SUN1: variants seen among roughly 807,000 people sequenced by gnomAD.
The protein encoded by SUN1 is SUN domain-containing protein 1.
SUN1 carries 61 observed loss-of-function variants against 103.2 expected under a neutral mutation model. That is an observed-to-expected ratio of 0.59 (90% CI 0.48 to 0.73). The LOEUF (loss-of-function observed/expected upper bound fraction) is 0.73. Among genes scored for constraint, SUN1 ranks in the 30% least tolerant of loss-of-function variants. The probability of loss-of-function intolerance (pLI) is 0.00; values close to 1 mark genes in which losing one functional copy is unlikely to be tolerated. For synonymous variants in SUN1, 490 were observed against 425.7 expected (o/e 1.15, Z -1.86); for missense variants, 1,052 against 1,034.6 (o/e 1.02, Z -0.23).
intron 1 of SUN1, among the ~76,000 whole-genome samples, chr7:833,783 C>G (rs564274088): frequency 1.2e-4 from 19 of 152,240 alleles, no homozygotes; most frequent in Non-Finnish European, 1.8e-4. Context: ...ACTCTGTTTT[C>G]TAAGAGTCCT....
intron 14 of SUN1, 117 bp from the exon 15 acceptor site, chr7:861,263 A>G (rs1241453647): frequency 1.0e-5 from 10 of 993,264 alleles, no homozygotes; most frequent in East Asian, 2.5e-5. Flanking sequence ...AACCCTACAT[A>G]GTTTCCGTTG....
upstream of SUN1, among the ~76,000 whole-genome samples, chr7:829,091 G>A (rs377347878): frequency 4.4e-3 from 666 of 152,330 alleles, 6 homozygotes; most frequent in African/African-American, 0.015. Context: ...CCTGCAGACC[G>A]CACATCTATG....
intron 12 of SUN1, 55 bp downstream of exon 12, chr7:856,456 G>A (rs981819362): frequency 1.9e-6 from 3 of 1,603,098 alleles, no homozygotes; most frequent in Non-Finnish European, 2.6e-6. Flanking sequence ...GTGTGGTTAT[G>A]TGGAGCGGCA....
At chr7:836,211 T>A (rs576466685) in intron 1 of SUN1, among the ~76,000 whole-genome samples, 1 of 151,946 alleles carries the variant, frequency 6.6e-6, no homozygotes, top group African/African-American at 2.4e-5. Context: ...GCTGAAGATG[T>A]AGGAGAACGA....
chr7:859,604 T>C (rs1237561985), intron 13 of SUN1, among the ~76,000 whole-genome samples: 3 of 152,224 alleles, frequency 2.0e-5, no homozygotes. Flanking sequence ...TGAACGGTCG[T>C]GTCCTAGGAG....
chr7:872,459 CT>C lies in SUN1; in HGVS notation c.2149-9del. The C allele has an allele frequency of 1.3e-6, 2 of 1,589,632 alleles. No homozygotes were observed. The highest frequency in any genetic ancestry group is 1.7e-6 in the Non-Finnish European group (2 of 1,166,990). On this transcript the variant is annotated splice_polypyrimidine_tract_variant and intron_variant, in intron 17 of 18. Transcript: ENST00000401592. ...CCATTCGTTCATAATTGTGTATGGT[CT>C]TGTTTTCAGGGATTAGAAAATGAGT...
chr7:846,930 C>T (rs182882214), intron 5 of SUN1, among the ~76,000 whole-genome samples: 249 of 152,232 alleles, frequency 1.6e-3, no homozygotes, highest in African/African-American at 5.9e-3. Context: ...AGGAGGATCA[C>T]TTAGGCCCAG....
intron 7 of SUN1, 136 bp downstream of exon 7, chr7:852,179 C>G (rs753399523): frequency 1.4e-4 from 113 of 782,218 alleles, no homozygotes; most frequent in Non-Finnish European, 1.8e-5. Flanking sequence ...TACAAAAGTG[C>G]TTTTATATTC....
upstream of SUN1, among the ~76,000 whole-genome samples, chr7:831,665 G>A (rs10215572): frequency 0.014 from 2,082 of 152,308 alleles, 28 homozygotes; most frequent in African/African-American, 0.036. Context: ...TTATTTCTGT[G>A]ATACTTTATT....
chr7:829,057 A>C (rs929408501), upstream of SUN1, among the ~76,000 whole-genome samples: 4 of 152,258 alleles, frequency 2.6e-5, no homozygotes, highest in East Asian at 3.8e-4. Flanking sequence ...CCAGGGAGGC[A>C]CAGATGCCAG....
chr7:822,454 G>A lies in SUN1; in HGVS notation c.-74+5781G>A, dbSNP rs985912866. ...GTGGATGTCATCACATCCAGGTGCC[G>A]GGTTCCCTGGGTCCCTACGGTGGGG... is the stretch of plus-strand genomic sequence containing the variant. On this transcript the variant is annotated intron_variant, in intron 1 of 17. Transcript: ENST00000389574. Among the ~76,000 whole-genome samples, 145 of 152,170 alleles carry A rather than the reference G, an allele frequency of 9.5e-4. 1 individual carries two copies. The highest frequency in any genetic ancestry group is 3.1e-3 in the African/African-American group (130 of 41,434).
intron 1 of SUN1, among the ~76,000 whole-genome samples, chr7:823,235 A>C (rs1387105805): frequency 6.6e-6 from 1 of 152,356 alleles, no homozygotes; most frequent in East Asian, 1.9e-4. Context: ...ACAGAGTTCA[A>C]GGGCCGCTTG....
chr7:871,624 C>A (rs1841773142), intron 17 of SUN1, among the ~76,000 whole-genome samples: 1 of 152,142 alleles, frequency 6.6e-6, no homozygotes, highest in East Asian at 1.9e-4. Context: ...TCCTGACCTT[C>A]TGATCCACCC....
chr7:855,189 C>T (rs370116088), intron 11 of SUN1, among the ~76,000 whole-genome samples, 183 bp downstream of exon 11: 3 of 152,186 alleles, frequency 2.0e-5, no homozygotes, highest in South Asian at 2.1e-4. Context: ...AACATTGAAT[C>T]GGGTGTGTAA....
At chr7:827,875 A>G (rs1794054326), upstream of SUN1, among the ~76,000 whole-genome samples, 1 of 152,230 alleles carries the variant, frequency 6.6e-6, no homozygotes, top group South Asian at 2.1e-4. Context: ...GTATTAAAAG[A>G]GAAACCTAGT....
intron 1 of SUN1, among the ~76,000 whole-genome samples, chr7:826,346 G>A (rs913645073): frequency 3.9e-5 from 6 of 152,212 alleles, no homozygotes; most frequent in African/African-American, 7.2e-5. Flanking sequence ...AGGATTGAGC[G>A]AGCATGTGTG....
chr7:827,946 G>GTC (rs1426976678), upstream of SUN1, among the ~76,000 whole-genome samples: 1 of 152,030 alleles, frequency 6.6e-6, no homozygotes, highest in Non-Finnish European at 1.5e-5. Context: ...GTCTCACTCT[G>GTC]TCACAGGCTG....
chr7:872,054 C>T (rs539321698), intron 17 of SUN1, among the ~76,000 whole-genome samples: 190 of 152,296 alleles, frequency 1.2e-3, no homozygotes, highest in Middle Eastern at 6.8e-3. Context: ...TTCCCAAAGT[C>T]GGTCTTCTGT....
At chr7:816,650 G>T in exon 1 of SUN1, 2 of 285,790 alleles carry the variant, frequency 7.0e-6, no homozygotes, top group South Asian at 2.6e-5. Flanking sequence ...CGCAGACGAG[G>T]CCTGAGGCGG....
Sources: allele counts gnomAD v4.1 joint callset (sites outside exome capture counted in the v4.1 genomes callset), GRCh38; gene constraint gnomAD v4.1.1; transcripts MANE v1.5; gene names NCBI Gene and HGNC (gene_info 2026-07-23, HGNC 2026-07-21).